The following GRIN1 variants were observed in gnomAD, a reference collection of about 807,000 sequenced individuals.
The protein encoded by GRIN1 is glutamate receptor ionotropic, NMDA 1.
A neutral mutation model predicts 103.0 loss-of-function variants in GRIN1; 38 were observed. The ratio of observed to expected loss-of-function variants is 0.37; its 90% CI spans 0.28 to 0.48. GRIN1 has a LOEUF of 0.48. GRIN1 is among the 20% of genes least tolerant of loss of function. GRIN1 has a pLI of 0.98. For missense variants in GRIN1, 577 were observed against 1,288.9 expected, an observed-to-expected ratio of 0.45 and a Z score of 8.46; for synonymous variants, 544 against 532.7, an observed-to-expected ratio of 1.02 and a Z score of -0.29.
intron 1 of GRIN1, among the ~76,000 whole-genome samples, chr9:137,141,600 C>T (rs530041549): frequency 1.9e-4 from 29 of 152,300 alleles, no homozygotes; most frequent in African/African-American, 5.3e-4. Flanking sequence ...CGCCCTGTCT[C>T]GGGATGTGGG....
intron 1 of GRIN1, among the ~76,000 whole-genome samples, chr9:137,140,456 C>G (rs1464037087): frequency 6.6e-6 from 1 of 152,266 alleles, no homozygotes; most frequent in East Asian, 1.9e-4. Flanking sequence ...ACCGCTCACA[C>G]GTGCCTACCT....
At chr9:137,161,821 G>T in intron 10 of GRIN1, 103 bp from the exon 11 acceptor site, 1 of 1,204,674 alleles carries the variant, frequency 8.3e-7, no homozygotes, top group Non-Finnish European at 1.2e-6. Flanking sequence ...GGGTCTTGGG[G>T]AGAAGACCCC....
At chr9:137,160,436 C>CTTTTTTTTTTTT (rs563443845) in intron 8 of GRIN1, among the ~76,000 whole-genome samples, 1 of 147,678 alleles carries the variant, frequency 6.8e-6, no homozygotes, top group African/African-American at 2.5e-5. Flanking sequence ...GGAATCATGT[C>CTTTTTTTTTTTT]TTTTTTTTTT....
At chr9:137,147,485 C>CGCACACACGCACATGCACACAT (rs1832614117) in intron 3 of GRIN1, among the ~76,000 whole-genome samples, 2 of 152,038 alleles carry the variant, frequency 1.3e-5, no homozygotes, top group Non-Finnish European at 2.9e-5. Context: ...CACACAAGCA[C>CGCACACACGCACATGCACACAT]GCACACACGC....
chr9:137,143,326 T>C (rs1832275631), intron 2 of GRIN1, among the ~76,000 whole-genome samples: 1 of 152,248 alleles, frequency 6.6e-6, no homozygotes, highest in African/African-American at 2.4e-5. Context: ...GCCACCTTCC[T>C]GAGGCTCTGA....
At chr9:137,156,546 C>T (rs1432263638) in intron 4 of GRIN1, 123 bp from the exon 5 acceptor site, 1 of 1,401,840 alleles carries the variant, frequency 7.1e-7, no homozygotes, top group Non-Finnish European at 9.7e-7. Flanking sequence ...GGTCTGCAGG[C>T]TTCGCTCTAG....
At chr9:137,140,532 C>T (rs1832111288) in intron 1 of GRIN1, among the ~76,000 whole-genome samples, 1 of 152,250 alleles carries the variant, frequency 6.6e-6, no homozygotes, top group African/African-American at 2.4e-5. Context: ...TTAGCACACA[C>T]TCATGCACCT....
chr9:137,150,247 A>G (rs1177770095), intron 4 of GRIN1, among the ~76,000 whole-genome samples: 1 of 152,212 alleles, frequency 6.6e-6, no homozygotes, highest in Non-Finnish European at 1.5e-5. Flanking sequence ...AAAGATTTTT[A>G]AAGACGTGAC....
intron 4 of GRIN1, among the ~76,000 whole-genome samples, chr9:137,151,149 A>C (rs979786928): frequency 1.3e-4 from 19 of 147,962 alleles, no homozygotes; most frequent in African/African-American, 4.7e-4. Context: ...GCCCAGAAAA[A>C]GTCCCGCCCA....
At chr9:137,158,239 C>A in intron 6 of GRIN1, 140 bp from the exon 7 acceptor site, 1 of 936,314 alleles carries the variant, frequency 1.1e-6, no homozygotes, top group East Asian at 2.6e-5. Context: ...AGGGAAAAGC[C>A]CAAGCTGCTC....
chr9:137,154,744 G>T (rs553865046), intron 4 of GRIN1, among the ~76,000 whole-genome samples: 89 of 152,204 alleles, frequency 5.8e-4, no homozygotes, highest in African/African-American at 2.0e-3. Flanking sequence ...CAGTTACTGC[G>T]CCTGGCCTCA....
At position 137,165,476 on chromosome 9, in the gene GRIN1, T is replaced by C. The variant is rs1249045854; in HGVS notation, c.2700+180T>C. 3 of 643,344 alleles carry C rather than the reference T, an allele frequency of 4.7e-6. No individual in the cohort carries two copies. In the African/African-American group the frequency reaches 5.4e-5, roughly 12 times the overall value. The allele number at this position is 643,344 out of a possible 1,614,324, so 39.9% of individuals were successfully genotyped here. A position where few individuals can be genotyped will look rare whatever the true frequency, so the allele number is the denominator to read the frequency against. On this transcript the variant is annotated intron_variant, in intron 19 of 19. Transcript: ENST00000371561. The stretch of plus-strand genomic sequence containing the variant: ...TGCTCTCTCTCACTCTCTGGACCTT[T>C]CTCCCCGGCCCTCCTGGGTCCTCGG...
Position 137,145,825 on chromosome 9 carries a change from C to A in GRIN1, c.493C>A (p.Leu165Met). 1 of 1,613,064 alleles carries A rather than the reference C, an allele frequency of 6.2e-7. No homozygotes were observed. Among genetic ancestry groups the A allele is most frequent in the Middle Eastern group, 1.7e-4 (1 of 6,058 alleles). The stretch of plus-strand genomic sequence containing the variant: ...TGTCTACAGCTGGAACCACATCATC[C>A]TGCTGGTCAGCGACGACCACGAGGG... Reference protein sequence around the residue: ...MRVYSWNHIILLVSDDHEGRA... With the variant: ...MRVYSWNHIIMLVSDDHEGRA... Residue 165 changes from leucine to methionine, a missense_variant, in exon 3 of 20, where the codon CTG becomes ATG. Leu to Met is a conservative substitution (Grantham distance 15). Around this residue, in one of 9 missense-constraint regions of GRIN1, gnomAD observed 308 missense variants for 553.6 expected, o/e 0.56. Transcript: ENST00000371561.
chr9:137,140,627 A>G (rs558827068), intron 1 of GRIN1, among the ~76,000 whole-genome samples: 31 of 152,352 alleles, frequency 2.0e-4, no homozygotes, highest in African/African-American at 6.3e-4. Flanking sequence ...ACGGCTTGGC[A>G]TGCATTCCCA....
chr9:137,149,618 G>T (rs557384965), intron 4 of GRIN1, among the ~76,000 whole-genome samples: 36 of 152,382 alleles, frequency 2.4e-4, no homozygotes, highest in African/African-American at 8.4e-4. Flanking sequence ...GCTCTGGACA[G>T]GTCCGGTGCC....
intron 1 of GRIN1, among the ~76,000 whole-genome samples, chr9:137,140,618 C>T (rs566939337): frequency 2.0e-5 from 3 of 152,382 alleles, no homozygotes; most frequent in East Asian, 3.9e-4. Flanking sequence ...GTGCCACACA[C>T]GGCTTGGCAT....
rs1467636454 is a variant in GRIN1 at position 137,146,225 on chromosome 9, T to G, written c.570+323T>G. Reference sequence around the variant, plus strand: ...CGCTCCCTGGAGGCCCCAGCCGGGCTTGGGACTCGTCACCCTTCCCGCCCA... The same window carrying G: ...CGCTCCCTGGAGGCCCCAGCCGGGCGTGGGACTCGTCACCCTTCCCGCCCA... On this transcript the variant is annotated intron_variant, in intron 3 of 19. Transcript: ENST00000371561. The surrounding 1 kb of genome is among the most constrained non-coding windows in gnomAD (Gnocchi z 6.7). Among the ~76,000 whole-genome samples, 2 of 151,938 alleles carry G rather than the reference T, an allele frequency of 1.3e-5. No individual in the cohort carries two copies. The highest frequency in any genetic ancestry group is 4.8e-5 in the African/African-American group (2 of 41,324).
chr9:137,140,377 T>C (rs1832103653), intron 1 of GRIN1, among the ~76,000 whole-genome samples: 1 of 152,182 alleles, frequency 6.6e-6, no homozygotes, highest in Non-Finnish European at 1.5e-5. Flanking sequence ...CCTGCTGAAT[T>C]CCAATGAGGC....
At chr9:137,164,959 C>G in intron 18 of GRIN1, 1 of 542,518 alleles carries the variant, frequency 1.8e-6, no homozygotes, top group South Asian at 2.0e-5. Context: ...CAGCCGAGAG[C>G]CCCCAAGCCC....
Sources: allele counts gnomAD v4.1 joint callset (sites outside exome capture counted in the v4.1 genomes callset), GRCh38; gene constraint gnomAD v4.1.1; regional missense constraint gnomAD v4.1.1; non-coding constraint Gnocchi (gnomAD v3.1); transcripts MANE v1.5; gene names NCBI Gene and HGNC (gene_info 2026-07-23, HGNC 2026-07-21).